Variants in DAB2IP observed in about 807,000 individuals in gnomAD.
DAB2IP encodes the protein DAB2 interacting protein.
In DAB2IP, 28 loss-of-function variants were observed where a neutral mutation model predicts 107.2. The observed-to-expected ratio is 0.26, with a 90% confidence interval of 0.19 to 0.36. The LOEUF (loss-of-function observed/expected upper bound fraction) is 0.36, where lower values mean the gene tolerates loss of function less well. DAB2IP is among the 10% of genes least tolerant of loss of function. The pLI, the probability that DAB2IP is intolerant of heterozygous loss-of-function variation, is 1.00. For missense variants in DAB2IP, 1,400 were observed against 1,644.7 expected (o/e 0.85, Z 2.57); for synonymous variants, 755 against 706.4 (o/e 1.07, Z -1.09).
rs2118744266 is a variant in DAB2IP at position 121,702,177 on chromosome 9, C to T, written c.362+2719C>T. On this transcript the variant is annotated intron_variant, in intron 3 of 15. Coordinates refer to ENST00000408936, the Ensembl canonical transcript of DAB2IP. The surrounding 1 kb of genome is among the most constrained non-coding windows in gnomAD (Gnocchi z 4.5). ...CTTTGTTGAATGCTGTCTGCGTGCTCCGCAAGCTGCTGTGTTGGGGAGGTG... is the reference window on the plus strand; with the variant it reads ...CTTTGTTGAATGCTGTCTGCGTGCTTCGCAAGCTGCTGTGTTGGGGAGGTG... Among the ~76,000 whole-genome samples the T allele has an allele frequency of 6.6e-6, 1 of 152,346 alleles. No individual in the cohort carries two copies. Among genetic ancestry groups the T allele is most frequent in the Admixed American group, 6.5e-5 (1 of 15,302 alleles).
upstream of DAB2IP, among the ~76,000 whole-genome samples, chr9:121,647,109 G>T (rs1008382075): frequency 1.3e-5 from 2 of 152,082 alleles, no homozygotes; most frequent in Admixed American, 1.3e-4. Flanking sequence ...GGTCAAACTT[G>T]TAACCCTCCT....
exon 11 of DAB2IP, chr9:121,770,713 C>T (rs142889743): frequency 5.8e-5 from 94 of 1,614,000 alleles, no homozygotes; most frequent in Non-Finnish European, 7.5e-5. Flanking sequence ...TGATTGAGAA[C>T]GATCTTTCCG....
chr9:121,665,486 A>G (rs1239967199), intron 1 of DAB2IP, among the ~76,000 whole-genome samples: 1 of 152,250 alleles, frequency 6.6e-6, no homozygotes, highest in African/African-American at 2.4e-5. Flanking sequence ...TTTGATAATC[A>G]TGGTTCCCTC....
Position 121,699,102 on chromosome 9 carries a change from C to T in DAB2IP, c.229-223C>T, listed in dbSNP as rs549811906. Among the ~76,000 whole-genome samples the T allele has an allele frequency of 9.1e-4, 132 of 145,504 alleles. 7 individuals carry two copies. The East Asian group carries it at 0.021, about 23-fold the overall frequency. On this transcript the variant is annotated intron_variant, in intron 2 of 15. Coordinates refer to ENST00000408936, the Ensembl canonical transcript of DAB2IP. This position sits in a 1 kb window ranked among gnomAD's most constrained non-coding sequence, Gnocchi z 6.2. ...ACAGCGGCTTAGGGGGCGGGGGCGA[C>T]GTGGCGGGCGGGGTGGGCTGGGCCG...
intron 3 of DAB2IP, chr9:121,737,849 G>T: frequency 1.1e-6 from 1 of 930,888 alleles, no homozygotes; most frequent in Non-Finnish European, 1.3e-6. Context: ...TTTCTCCAAT[G>T]AGGCCTGGTC....
rs140206879 is a variant in DAB2IP at position 121,713,997 on chromosome 9, G to A, written c.362+14539G>A. Among the ~76,000 whole-genome samples, 95 of 152,218 alleles carry A rather than the reference G, an allele frequency of 6.2e-4. No individual in the cohort carries two copies. The East Asian group carries it at 0.013, about 20-fold the overall frequency. ...CCTCTGTCTCCTCATTTTTAAATGGGCACCATGATTGTGGTGCCTACCTCC... is the reference window on the plus strand; with the variant it reads ...CCTCTGTCTCCTCATTTTTAAATGGACACCATGATTGTGGTGCCTACCTCC... On this transcript the variant is annotated intron_variant, in intron 3 of 15. Transcript: ENST00000408936.
chr9:121,610,236 GA>G, intron 1 of DAB2IP, among the ~76,000 whole-genome samples: 1 of 152,306 alleles, frequency 6.6e-6, no homozygotes, highest in East Asian at 1.9e-4. Flanking sequence ...ACCAGAGCCA[GA>G]ACCTGGTGTT....
chr9:121,577,481 G>A lies in DAB2IP; in HGVS notation c.40+10253G>A, dbSNP rs1046374198. On this transcript the variant is annotated intron_variant, in intron 1 of 16. Coordinates refer to the DAB2IP transcript ENST00000259371. ...GTGTCTGCCAGTGGGCCTCTGTCTC[G>A]GCAGGCTGTCTCCTCAGGAGCCCGT... Among the ~76,000 whole-genome samples, 5 of 152,342 alleles carry A rather than the reference G, an allele frequency of 3.3e-5. No individual in the cohort carries two copies. In the East Asian group the frequency reaches 7.7e-4, roughly 24 times the overall value.
chr9:121,629,891 T>G (rs1443413382), intron 1 of DAB2IP, among the ~76,000 whole-genome samples: 1 of 152,192 alleles, frequency 6.6e-6, no homozygotes, highest in African/African-American at 2.4e-5. Context: ...AGCCAGGGCT[T>G]CTTAACCAGG....
At chr9:121,649,745 C>T (rs1235790102), upstream of DAB2IP, among the ~76,000 whole-genome samples, 1 of 152,240 alleles carries the variant, frequency 6.6e-6, no homozygotes, top group Non-Finnish European at 1.5e-5. Flanking sequence ...TGGGTTCTGG[C>T]AGTTTGGCCA....
At chr9:121,767,038 A>G (rs1188708765) in intron 9 of DAB2IP, among the ~76,000 whole-genome samples, 1 of 152,194 alleles carries the variant, frequency 6.6e-6, no homozygotes, top group African/African-American at 2.4e-5. Flanking sequence ...ATCCCTTAAC[A>G]TTCATTAAGC....
intron 2 of DAB2IP, among the ~76,000 whole-genome samples, chr9:121,695,283 C>A (rs536462012): frequency 7.2e-5 from 11 of 152,148 alleles, no homozygotes; most frequent in Non-Finnish European, 1.5e-4. Context: ...CAGACTGACT[C>A]CCACCCTTGG....
At position 121,701,143 on chromosome 9, in the gene DAB2IP, G is replaced by A. The variant is rs1434957269; in HGVS notation, c.362+1685G>A. ...GTACCCCGTTTTGTGTGCATGTGGT[G>A]GTTGTCCGGGGAGCAGGAGAGACAA... On this transcript the variant is annotated intron_variant, in intron 3 of 15. Coordinates refer to ENST00000408936, the Ensembl canonical transcript of DAB2IP. This position sits in a 1 kb window ranked among gnomAD's most constrained non-coding sequence, Gnocchi z 4.7. Among the ~76,000 whole-genome samples the A allele has an allele frequency of 6.6e-6, 1 of 152,234 alleles. No individual in the cohort carries two copies. Among genetic ancestry groups the A allele is most frequent in the African/African-American group, 2.4e-5 (1 of 41,462 alleles).
intron 1 of DAB2IP, among the ~76,000 whole-genome samples, chr9:121,581,592 C>A (rs1830195403): frequency 6.6e-6 from 1 of 152,174 alleles, no homozygotes; most frequent in Non-Finnish European, 1.5e-5. Context: ...GGTTGTACTA[C>A]CAGGAAGTGA....
chr9:121,730,809 T>A (rs1337251463), intron 3 of DAB2IP, among the ~76,000 whole-genome samples: 7 of 152,142 alleles, frequency 4.6e-5, no homozygotes, highest in Non-Finnish European at 4.4e-5. Flanking sequence ...AAAGGAGGCA[T>A]AATTTGACAT....
intron 1 of DAB2IP, among the ~76,000 whole-genome samples, chr9:121,586,821 T>C (rs901156931): frequency 6.6e-6 from 1 of 151,124 alleles, no homozygotes; most frequent in Admixed American, 6.6e-5. Context: ...AAAAAAAAAA[T>C]TGCAGTGACC....
At chr9:121,688,612 C>T (rs1057493682) in intron 2 of DAB2IP, among the ~76,000 whole-genome samples, 3 of 152,176 alleles carry the variant, frequency 2.0e-5, no homozygotes, top group African/African-American at 7.2e-5. Flanking sequence ...CCCATCTGTA[C>T]ACGCTCCCTC....
exon 4 of DAB2IP, chr9:121,757,019 T>C: frequency 6.2e-7 from 1 of 1,613,970 alleles, no homozygotes; most frequent in Non-Finnish European, 8.5e-7. Context: ...CCAGGTCCCA[T>C]CTGATGCCGA....
At chr9:121,667,903 T>A (rs1833512061) in intron 1 of DAB2IP, among the ~76,000 whole-genome samples, 5 of 152,220 alleles carry the variant, frequency 3.3e-5, no homozygotes, top group Admixed American at 3.3e-4. Context: ...GATTTACGGT[T>A]CCATGTGGCT....
Sources: gnomAD v4.1 joint callset for allele counts (sites outside exome capture counted in the v4.1 genomes callset) on GRCh38, gnomAD v4.1.1 for gene constraint, Gnocchi (gnomAD v3.1) non-coding constraint, MANE v1.5 for transcripts, NCBI Gene and HGNC (gene_info 2026-07-23, HGNC 2026-07-21) for gene names.